The following GLIS3 variants were observed in gnomAD, a reference collection of about 807,000 sequenced individuals.
GLIS3 encodes GLIS family zinc finger 3.
GLIS3 carries 53 observed loss-of-function variants against 78.6 expected under a neutral mutation model. That is an observed-to-expected ratio of 0.67 (90% CI 0.54 to 0.85). The LOEUF (loss-of-function observed/expected upper bound fraction) is 0.85, where lower values mean the gene tolerates loss of function less well. GLIS3 is among the 40% of genes least tolerant of loss of function. GLIS3 has a pLI of 0.00. For missense variants in GLIS3, 1,703 were observed against 1,231.1 expected (o/e 1.38, Z -5.74); for synonymous variants, 684 against 509.9 (o/e 1.34, Z -4.60).
At chr9:3,832,179 T>C (rs1818084072) in intron 9 of GLIS3, among the ~76,000 whole-genome samples, 1 of 150,158 alleles carries the variant, frequency 6.7e-6, no homozygotes, top group Non-Finnish European at 1.5e-5. Flanking sequence ...TACTTACATA[T>C]TATACAATTT....
At chr9:4,057,829 C>G (rs1826274748) in intron 4 of GLIS3, among the ~76,000 whole-genome samples, 1 of 152,062 alleles carries the variant, frequency 6.6e-6, no homozygotes, top group African/African-American at 2.4e-5. Flanking sequence ...ACTGAGAAAA[C>G]TTCAGAAAAG....
At chr9:4,345,102 G>A (rs539973188) in intron 2 of GLIS3, among the ~76,000 whole-genome samples, 1 of 152,172 alleles carries the variant, frequency 6.6e-6, no homozygotes, top group Non-Finnish European at 1.5e-5. Flanking sequence ...TCAAGTCTCC[G>A]CAAGTTTCCC....
At chr9:4,212,573 G>A (rs949177186) in intron 2 of GLIS3, among the ~76,000 whole-genome samples, 1 of 152,210 alleles carries the variant, frequency 6.6e-6, no homozygotes, top group Non-Finnish European at 1.5e-5. Context: ...TGGCACACAG[G>A]TGGCGCCTCT....
chr9:4,378,108 A>C, the GLIS3 span, among the ~76,000 whole-genome samples: 18 of 152,262 alleles, frequency 1.2e-4, no homozygotes, highest in African/African-American at 4.3e-4. Context: ...GGAGATAGTA[A>C]AGTAATATAC....
chr9:3,887,658 C>G (rs1208658150), intron 7 of GLIS3, among the ~76,000 whole-genome samples: 1 of 152,142 alleles, frequency 6.6e-6, no homozygotes, highest in African/African-American at 2.4e-5. Flanking sequence ...GAAGAGGATA[C>G]AGGTTTATAT....
chr9:4,104,273 A>G (rs1308162909), intron 4 of GLIS3, among the ~76,000 whole-genome samples: 2 of 152,108 alleles, frequency 1.3e-5, no homozygotes, highest in Admixed American at 1.3e-4. Context: ...TCCCTATCTC[A>G]GTTAAAGATA....
intron 6 of GLIS3, among the ~76,000 whole-genome samples, chr9:3,930,431 T>C (rs918787938): frequency 6.6e-6 from 1 of 152,232 alleles, no homozygotes; most frequent in Non-Finnish European, 1.5e-5. Flanking sequence ...TGTCTGCAAA[T>C]TGTCAATAAA....
At chr9:3,904,782 A>T (rs1462317080) in intron 6 of GLIS3, among the ~76,000 whole-genome samples, 3 of 152,162 alleles carry the variant, frequency 2.0e-5, no homozygotes, top group Non-Finnish European at 4.4e-5. Flanking sequence ...CACTGTAGAG[A>T]TGAGAAATCT....
chr9:3,891,968 C>T (rs1219200189), intron 7 of GLIS3, among the ~76,000 whole-genome samples: 3 of 152,078 alleles, frequency 2.0e-5, no homozygotes, highest in Non-Finnish European at 4.4e-5. Flanking sequence ...GTGAAGAGTT[C>T]CCCTTTCTGC....
At chr9:4,101,699 A>T (rs1189667609) in intron 4 of GLIS3, among the ~76,000 whole-genome samples, 2 of 152,232 alleles carry the variant, frequency 1.3e-5, no homozygotes, top group Non-Finnish European at 2.9e-5. Flanking sequence ...GTTTCAAAAA[A>T]AGTTTAATCT....
intron 4 of GLIS3, among the ~76,000 whole-genome samples, chr9:4,017,886 T>C (rs1822568484): frequency 1.3e-5 from 2 of 152,300 alleles, no homozygotes; most frequent in Non-Finnish European, 2.9e-5. Flanking sequence ...AATTGGAATA[T>C]GGGCAGCAGG....
intron 2 of GLIS3, among the ~76,000 whole-genome samples, chr9:4,258,042 C>T (rs1021534928): frequency 9.2e-5 from 14 of 152,116 alleles, no homozygotes; most frequent in Non-Finnish European, 1.9e-4. Flanking sequence ...GCATAATGAA[C>T]TTCATTTGCT....
chr9:4,459,981 T>A, the GLIS3 span, among the ~76,000 whole-genome samples: 2 of 152,274 alleles, frequency 1.3e-5, no homozygotes, highest in African/African-American at 4.8e-5. Context: ...GCTGTTTCAG[T>A]AGAATAATAG....
At chr9:3,882,313 C>T (rs757031022) in intron 7 of GLIS3, among the ~76,000 whole-genome samples, 9 of 152,218 alleles carry the variant, frequency 5.9e-5, no homozygotes, top group African/African-American at 9.6e-5. Context: ...TTGACGGTTG[C>T]GCCATTGGTC....
chr9:4,058,424 C>T (rs534564823), intron 4 of GLIS3, among the ~76,000 whole-genome samples: 6 of 151,178 alleles, frequency 4.0e-5, no homozygotes, highest in Admixed American at 1.3e-4. Context: ...TCCAGACTCC[C>T]GAGACATATT....
chr9:4,145,771 T>G (rs1834178498), intron 2 of GLIS3, among the ~76,000 whole-genome samples: 1 of 150,784 alleles, frequency 6.6e-6, no homozygotes, highest in Non-Finnish European at 1.5e-5. Flanking sequence ...ACTTTCTCCC[T>G]TTCTCTCCCT....
chr9:4,461,908 C>T, the GLIS3 span, among the ~76,000 whole-genome samples: 4 of 152,122 alleles, frequency 2.6e-5, no homozygotes, highest in East Asian at 1.9e-4. Flanking sequence ...AAAACTTAAT[C>T]TGAGAATGAG....
chr9:4,400,075 C>T, the GLIS3 span, among the ~76,000 whole-genome samples: 13 of 152,148 alleles, frequency 8.5e-5, no homozygotes, highest in South Asian at 2.1e-4. Context: ...AGCCATGTAA[C>T]GAGTTTGCTC....
intron 2 of GLIS3, among the ~76,000 whole-genome samples, chr9:4,189,565 C>A (rs997195120): frequency 6.6e-6 from 1 of 152,092 alleles, no homozygotes; most frequent in Non-Finnish European, 1.5e-5. Flanking sequence ...CTTTCTGTCT[C>A]GTTGATCTGT....
Sources: allele counts gnomAD v4.1 joint callset (sites outside exome capture counted in the v4.1 genomes callset), GRCh38; gene constraint gnomAD v4.1.1; transcripts MANE v1.5; gene names NCBI Gene and HGNC (gene_info 2026-07-23, HGNC 2026-07-21).